Variants in STRBP observed in about 807,000 individuals in gnomAD.
STRBP encodes spermatid perinuclear RNA-binding protein.
In STRBP, 13 loss-of-function variants were observed where a neutral mutation model predicts 80.1. That is an observed-to-expected ratio of 0.16 (90% CI 0.11 to 0.26). The LOEUF (loss-of-function observed/expected upper bound fraction) is 0.26. STRBP is among the 10% of genes least tolerant of loss of function. The probability of loss-of-function intolerance (pLI) is 1.00; values close to 1 mark genes in which losing one functional copy is unlikely to be tolerated. For synonymous variants in STRBP, 284 were observed against 291.2 expected (o/e 0.98, Z 0.25); for missense variants, 485 against 815.2 (o/e 0.59, Z 4.93).
chr9:123,176,397 A>T (rs1418977901), intron 4 of STRBP, among the ~76,000 whole-genome samples: 1 of 152,218 alleles, frequency 6.6e-6, no homozygotes, highest in African/African-American at 2.4e-5. Flanking sequence ...CTGGATCTGG[A>T]GTCAGAGAAA....
intron 1 of STRBP, among the ~76,000 whole-genome samples, chr9:123,261,201 C>T (rs2041154135): frequency 6.6e-6 from 1 of 152,236 alleles, no homozygotes; most frequent in Admixed American, 6.5e-5. Flanking sequence ...TCATTACTAT[C>T]TCATAATCCT....
Position 123,261,025 on chromosome 9 carries a change from C to T in STRBP, c.-302+7411G>A, listed in dbSNP as rs1212921352. Among the ~76,000 whole-genome samples the T allele has an allele frequency of 8.0e-5, 12 of 150,736 alleles. No homozygotes were observed. The South Asian group carries it at 2.3e-3, about 29-fold the overall frequency. ...ACTCTGTAAATTAGGAGTATTATTCCTATTTCAGACTTAAGGAGAGAGATC... is the reference window on the plus strand; with the variant it reads ...ACTCTGTAAATTAGGAGTATTATTCTTATTTCAGACTTAAGGAGAGAGATC... On this transcript the variant is annotated intron_variant, in intron 1 of 18. Coordinates refer to ENST00000348403, the MANE Select transcript of STRBP (RefSeq NM_018387.5).
At chr9:123,145,829 T>G (rs750097944) in intron 13 of STRBP, among the ~76,000 whole-genome samples, 2 of 152,170 alleles carry the variant, frequency 1.3e-5, no homozygotes, top group Non-Finnish European at 2.9e-5. Flanking sequence ...TAGATATCCC[T>G]TTTCCAATGA....
At position 123,259,433 on chromosome 9, in the gene STRBP, G is replaced by A. The variant is rs572550157; in HGVS notation, c.-302+9003C>T. 1.3e-4 allele frequency among the ~76,000 whole-genome samples: 20 copies of A among 152,308 alleles called. No individual in the cohort carries two copies. The South Asian group carries it at 2.9e-3, about 22-fold the overall frequency. ...ATAAAAATTTGAGAGTCAGCCAGGC[G>A]CAATGGCTCACGCCTGTAATCCCAG... On this transcript the variant is annotated intron_variant, in intron 1 of 18. Coordinates refer to ENST00000348403, the MANE Select transcript of STRBP (RefSeq NM_018387.5).
Position 123,123,471 on chromosome 9 carries a change from A to C in STRBP, c.*2126T>G, listed in dbSNP as rs1322145009. On this transcript the variant is annotated 3_prime_UTR_variant, in exon 19 of 19. Transcript: ENST00000348403. ...TTTTAAGTAAAGCAGAGAAATGTAA[A>C]AGTTTGCAGCAACTGGGCAGGTTTA... is the stretch of plus-strand genomic sequence containing the variant. 1.0e-6 allele frequency: 1 copy of C among 985,254 alleles called. No homozygotes were observed. Among genetic ancestry groups the C allele is most frequent in the East Asian group, 1.1e-4 (1 of 8,820 alleles). The allele number at this position is 985,254 out of a possible 1,614,324, so 61.0% of individuals were successfully genotyped here. A position where few individuals can be genotyped will look rare whatever the true frequency, so the allele number is the denominator to read the frequency against.
intron 2 of STRBP, among the ~76,000 whole-genome samples, chr9:123,193,515 T>C (rs2038995943): frequency 6.6e-6 from 1 of 152,174 alleles, no homozygotes; most frequent in Non-Finnish European, 1.5e-5. Flanking sequence ...TGTACTTAGC[T>C]CAGTGACACA....
intron 2 of STRBP, among the ~76,000 whole-genome samples, chr9:123,193,777 T>C (rs1164137561): frequency 6.6e-6 from 1 of 152,166 alleles, no homozygotes; most frequent in Non-Finnish European, 1.5e-5. Context: ...TTATCATTCA[T>C]ACCAGCAACT....
rs2035973122 is a variant in STRBP, at chr9:123,128,194, C to G, written c.1942+20G>C. The G allele has an allele frequency of 1.2e-6, 2 of 1,614,014 alleles. No individual in the cohort carries two copies. Among genetic ancestry groups the G allele is most frequent in the Admixed American group, 1.7e-5 (1 of 59,992 alleles). ...TGTGACAGTCGCTAAGAGGAGATAT[C>G]AGTAAGATGGTGTACGTACCATAGG... On this transcript the variant is annotated intron_variant, in intron 18 of 18. Transcript: ENST00000348403.
At chr9:123,256,093 A>C (rs2132642022) in intron 1 of STRBP, among the ~76,000 whole-genome samples, 1 of 130,676 alleles carries the variant, frequency 7.7e-6, no homozygotes, top group East Asian at 2.2e-4. Context: ...GCATGATCAT[A>C]GCTCACTACG....
At chr9:123,180,703 C>A (rs1234612483) in intron 3 of STRBP, among the ~76,000 whole-genome samples, 4 of 152,170 alleles carry the variant, frequency 2.6e-5, no homozygotes, top group African/African-American at 9.7e-5. Flanking sequence ...AGATTCTATA[C>A]ACTCATGAGT....
chr9:123,124,141 AC>A lies in STRBP; in HGVS notation c.*1455del, dbSNP rs751224580. On this transcript the variant is annotated 3_prime_UTR_variant, in exon 19 of 19. Transcript: ENST00000348403. ...GTGGTCCCGAAGGAATTTGGTACATACATTTGCCATATTTTGTGAAGCCCAT... is the reference window on the plus strand; with the variant it reads ...GTGGTCCCGAAGGAATTTGGTACATAATTTGCCATATTTTGTGAAGCCCAT... 5.1e-6 allele frequency: 5 copies of A among 985,328 alleles called. No individual in the cohort carries two copies. Among genetic ancestry groups the A allele is most frequent in the Middle Eastern group, 5.2e-4 (1 of 1,936 alleles). 61.0% of individuals were successfully genotyped at this position (985,328 alleles called of 1,614,324 possible). A position where few individuals can be genotyped will look rare whatever the true frequency, so the allele number is the denominator to read the frequency against.
At chr9:123,228,143 G>A (rs1358939214) in intron 2 of STRBP, among the ~76,000 whole-genome samples, 1 of 152,196 alleles carries the variant, frequency 6.6e-6, no homozygotes, top group East Asian at 1.9e-4. Flanking sequence ...CCGGAGGATG[G>A]CATTGCCTTG....
intron 2 of STRBP, among the ~76,000 whole-genome samples, chr9:123,220,808 G>A (rs1438389821): frequency 6.6e-6 from 1 of 152,180 alleles, no homozygotes; most frequent in Non-Finnish European, 1.5e-5. Context: ...AAAGTAGGAA[G>A]AAATAACTTG....
downstream of STRBP, among the ~76,000 whole-genome samples, chr9:123,117,200 A>G (rs542572794): frequency 2.6e-4 from 40 of 152,184 alleles, no homozygotes; most frequent in Non-Finnish European, 5.3e-4. Flanking sequence ...CATGCTCTAG[A>G]ACACGACAGC....
At chr9:123,257,445 C>T (rs2041058286) in intron 1 of STRBP, among the ~76,000 whole-genome samples, 1 of 152,034 alleles carries the variant, frequency 6.6e-6, no homozygotes, top group Admixed American at 6.6e-5. Flanking sequence ...CACAGACACA[C>T]ACACCCACAT....
downstream of STRBP, among the ~76,000 whole-genome samples, chr9:123,118,059 C>T (rs1354733533): frequency 6.6e-6 from 1 of 152,150 alleles, no homozygotes; most frequent in African/African-American, 2.4e-5. Flanking sequence ...CCCATCCTGT[C>T]GGCCGCAGCC....
At chr9:123,235,319 A>G (rs1216895891) in intron 2 of STRBP, among the ~76,000 whole-genome samples, 2 of 151,552 alleles carry the variant, frequency 1.3e-5, no homozygotes, top group African/African-American at 2.4e-5. Flanking sequence ...TTGCAAATAA[A>G]TCAATATGTG....
chr9:123,198,076 A>T (rs899529333), intron 2 of STRBP, among the ~76,000 whole-genome samples: 1 of 151,926 alleles, frequency 6.6e-6, no homozygotes, highest in African/African-American at 2.4e-5. Context: ...CATTTTTTTC[A>T]TATGTATCCT....
At chr9:123,191,139 T>C (rs1658349541) in intron 2 of STRBP, among the ~76,000 whole-genome samples, 2 of 151,984 alleles carry the variant, frequency 1.3e-5, no homozygotes, top group African/African-American at 2.4e-5. Flanking sequence ...GTGAAATGCT[T>C]GGAAAAGAGA....
Sources: allele counts gnomAD v4.1 joint callset (sites outside exome capture counted in the v4.1 genomes callset), GRCh38; gene constraint gnomAD v4.1.1; transcripts MANE v1.5; gene names NCBI Gene and HGNC (gene_info 2026-07-23, HGNC 2026-07-21).